Variants in PCDHA4 observed in about 807,000 individuals in gnomAD.
PCDHA4 encodes protocadherin alpha-4.
In PCDHA4, 49 loss-of-function variants were observed where a neutral mutation model predicts 61.4. The observed-to-expected ratio is 0.80, with a 90% CI of 0.63 to 1.01. The LOEUF is 1.01. Ranked by LOEUF, PCDHA4 falls within the 50% of genes least tolerant of loss-of-function variation. The pLI is 0.00. For synonymous variants in PCDHA4, 590 were observed against 550.3 expected (o/e 1.07, Z -1.01); for missense variants, 1,254 against 1,235.8 (o/e 1.01, Z -0.22).
chr5:140,827,595 A>G (rs2150148333), intron 1 of PCDHA4, among the ~76,000 whole-genome samples: 1 of 152,352 alleles, frequency 6.6e-6, no homozygotes, highest in Admixed American at 6.5e-5. Context: ...GGAAAGACAG[A>G]TGTGGGCAAG....
intron 1 of PCDHA4, chr5:140,877,662 C>T: frequency 6.2e-7 from 1 of 1,613,558 alleles, no homozygotes; most frequent in Non-Finnish European, 8.5e-7. Context: ...CCACCGTGAG[C>T]CGGTGCGCGC....
chr5:140,850,133 C>T, intron 1 of PCDHA4: 1 of 1,595,806 alleles, frequency 6.3e-7, no homozygotes, highest in Non-Finnish European at 8.6e-7. Flanking sequence ...CGCCTCTGGG[C>T]AGCAACGTGA....
chr5:141,000,780 A>G (rs2097963386), intron 3 of PCDHA4, among the ~76,000 whole-genome samples: 1 of 151,780 alleles, frequency 6.6e-6, no homozygotes, highest in Admixed American at 6.6e-5. Context: ...AGTGGCGCAC[A>G]CCTGTATTCC....
At chr5:140,873,044 A>G (rs115529200) in intron 1 of PCDHA4, among the ~76,000 whole-genome samples, 15 of 152,172 alleles carry the variant, frequency 9.9e-5, no homozygotes, top group Non-Finnish European at 1.8e-4. Flanking sequence ...GAGTGGTGGT[A>G]TTACAGACTT....
intron 1 of PCDHA4, among the ~76,000 whole-genome samples, chr5:140,910,110 G>A (rs964418352): frequency 6.6e-6 from 1 of 152,194 alleles, no homozygotes; most frequent in South Asian, 2.1e-4. Flanking sequence ...TCATTTAAGG[G>A]ATTCTAGGTC....
At chr5:140,850,229 C>A (rs2150474580) in intron 1 of PCDHA4, 3 of 1,593,694 alleles carry the variant, frequency 1.9e-6, no homozygotes, top group African/African-American at 2.7e-5. Flanking sequence ...GCGCAGTGAG[C>A]GAGATGGTGC....
intron 3 of PCDHA4, chr5:140,988,873 G>A (rs1471282852): frequency 6.6e-6 from 1 of 152,170 alleles, no homozygotes; most frequent in Non-Finnish European, 1.5e-5. Context: ...GCACTCAGAT[G>A]TACGATCCTG....
intron 1 of PCDHA4, among the ~76,000 whole-genome samples, chr5:140,839,582 G>A (rs965029185): frequency 6.6e-6 from 1 of 151,908 alleles, no homozygotes; most frequent in African/African-American, 2.4e-5. Flanking sequence ...TAGAGATGGG[G>A]TCTTACCATG....
chr5:140,849,583 C>T (rs2040974619), intron 1 of PCDHA4: 4 of 1,598,684 alleles, frequency 2.5e-6, no homozygotes, highest in Non-Finnish European at 3.4e-6. Flanking sequence ...AAAGAGGACG[C>T]ACAACTGGGG....
intron 1 of PCDHA4, among the ~76,000 whole-genome samples, chr5:140,921,816 G>A (rs2080411020): frequency 6.6e-6 from 1 of 151,846 alleles, no homozygotes; most frequent in Non-Finnish European, 1.5e-5. Context: ...ATACATGTGT[G>A]AATATCTATA....
At position 140,884,500 on chromosome 5, in the gene PCDHA4, G is replaced by T. The variant is rs782378726; in HGVS notation, c.2385+74928G>T. 34 of 1,614,122 alleles carry T rather than the reference G, an allele frequency of 2.1e-5. No homozygotes were observed. The South Asian group carries it at 2.5e-4, about 12-fold the overall frequency. On this transcript the variant is annotated intron_variant, in intron 1 of 3. Coordinates refer to ENST00000530339, the MANE Select transcript of PCDHA4 (RefSeq NM_018907.4). ...AGCCCACTCTAGTGTGCTCCAGCGC[G>T]GCAGGGAGTTGGTCGTACTCGCAGC...
intron 1 of PCDHA4, among the ~76,000 whole-genome samples, chr5:140,934,631 G>A (rs2089960013): frequency 6.6e-6 from 1 of 151,984 alleles, no homozygotes; most frequent in African/African-American, 2.4e-5. Flanking sequence ...GTTCACACAG[G>A]AAAGGCAGGA....
At chr5:141,007,395 C>CAAAAAAAAAAAAAAAAA (rs35800918) in intron 3 of PCDHA4, among the ~76,000 whole-genome samples, 5 of 94,868 alleles carry the variant, frequency 5.3e-5, no homozygotes, top group Non-Finnish European at 8.3e-5. Context: ...TACTAAAATA[C>CAAAAAAAAAAAAAAAAA]AAAAAAAAAA....
rs114567887 is a variant in PCDHA4, at chr5:140,974,104, T to G, written c.2386-4845T>G. The stretch of plus-strand genomic sequence containing the variant: ...GACTTCAAAAATCAAAGGTTAAAAG[T>G]ATTCTTTTGCAGTGTTTTAAATCTG... On this transcript the variant is annotated intron_variant, in intron 1 of 3. Coordinates refer to ENST00000530339, the MANE Select transcript of PCDHA4 (RefSeq NM_018907.4). Among the ~76,000 whole-genome samples, 1,327 of 152,364 alleles carry G rather than the reference T, an allele frequency of 8.7e-3. 24 individuals carry two copies. Among genetic ancestry groups the G allele is most frequent in the African/African-American group, 0.03 (1,240 of 41,584 alleles).
intron 1 of PCDHA4, among the ~76,000 whole-genome samples, chr5:140,832,545 G>T (rs1252442400): frequency 2.0e-5 from 3 of 152,202 alleles, no homozygotes; most frequent in Non-Finnish European, 4.4e-5. Context: ...TGTAGCTAAT[G>T]ATATCTAACA....
intron 1 of PCDHA4, chr5:140,876,955 G>T (rs782751017): frequency 1.3e-5 from 21 of 1,613,390 alleles, no homozygotes; most frequent in Non-Finnish European, 1.7e-5. Context: ...CTACTCGCTG[G>T]TGGAGCGGCG....
intron 1 of PCDHA4, chr5:140,865,596 A>G (rs1309543842): frequency 2.6e-5 from 4 of 152,224 alleles, no homozygotes; most frequent in Admixed American, 2.0e-4. Context: ...CCATTGTTTG[A>G]GCAGTTTATT....
chr5:140,850,279 G>C (rs140634296), intron 1 of PCDHA4: 2 of 1,595,566 alleles, frequency 1.3e-6, no homozygotes, highest in African/African-American at 1.3e-5. Context: ...GGGAAGGTGC[G>C]CGCAGTGGAC....
intron 1 of PCDHA4, chr5:140,834,582 G>C (rs1554134344): frequency 5.6e-6 from 9 of 1,614,016 alleles, no homozygotes; most frequent in Non-Finnish European, 7.6e-6. Flanking sequence ...GTTCCGGGCG[G>C]TGTGCAAATT....
Sources: allele counts gnomAD v4.1 joint callset (sites outside exome capture counted in the v4.1 genomes callset), GRCh38; gene constraint gnomAD v4.1.1; transcripts MANE v1.5; gene names NCBI Gene and HGNC (gene_info 2026-07-23, HGNC 2026-07-21).